The following STX6 variants were observed in gnomAD, a reference collection of about 807,000 sequenced individuals.
STX6 encodes the protein syntaxin-6.
In STX6, 23 loss-of-function variants were observed where a neutral mutation model predicts 38.0. That is an observed-to-expected ratio of 0.60 (90% CI 0.43 to 0.86). The LOEUF (loss-of-function observed/expected upper bound fraction) is 0.86, where lower values mean the gene tolerates loss of function less well. STX6 is among the 40% of genes least tolerant of loss of function. The pLI is 0.00. For synonymous variants in STX6, 123 were observed against 107.5 expected (o/e 1.14, Z -0.89); for missense variants, 274 against 312.9 (o/e 0.88, Z 0.94).
chr1:181,002,900 TG>T (rs1199977299), intron 2 of STX6, among the ~76,000 whole-genome samples, 200 bp from the exon 3 acceptor site: 2 of 152,224 alleles, frequency 1.3e-5, no homozygotes, highest in East Asian at 3.8e-4. Context: ...AAGACAGAGA[TG>T]ATCTGTCTGG....
chr1:180,991,940 TTATA>T (rs923237855), intron 4 of STX6, among the ~76,000 whole-genome samples: 6 of 69,112 alleles, frequency 8.7e-5, no homozygotes, highest in South Asian at 3.1e-4. Flanking sequence ...ATATTTAAAT[TTATA>T]TATATATATT....
intron 1 of STX6, among the ~76,000 whole-genome samples, chr1:181,019,939 G>C (rs970222857): frequency 7.2e-5 from 11 of 152,140 alleles, no homozygotes; most frequent in African/African-American, 2.4e-4. Flanking sequence ...GAGACAGGTG[G>C]ATCACAAGGT....
intron 3 of STX6, 35 bp from the exon 4 acceptor site, chr1:180,993,460 AT>A (rs1286232355): frequency 2.4e-6 from 3 of 1,247,434 alleles, no homozygotes; most frequent in Non-Finnish European, 3.5e-6. Flanking sequence ...CAAATGAAAA[AT>A]ATCCTTAAAC....
intron 1 of STX6, among the ~76,000 whole-genome samples, chr1:181,022,244 C>T (rs76701751): frequency 6.6e-6 from 1 of 152,202 alleles, no homozygotes; most frequent in Non-Finnish European, 1.5e-5. Flanking sequence ...AGGGCCATTT[C>T]CCTTTTCCTG....
At chr1:180,988,422 T>G in intron 5 of STX6, 77 bp from the exon 6 acceptor site, 3 of 1,149,208 alleles carry the variant, frequency 2.6e-6, no homozygotes, top group Non-Finnish European at 3.9e-6. Context: ...TAGCAGCTGC[T>G]AGTTTCTTTG....
chr1:180,998,860 T>C (rs1026780539), intron 3 of STX6, among the ~76,000 whole-genome samples: 4 of 152,236 alleles, frequency 2.6e-5, no homozygotes, highest in Non-Finnish European at 5.9e-5. Context: ...ACATGACGTT[T>C]AGAACCAGCA....
At chr1:181,008,159 G>C (rs1656282171) in intron 1 of STX6, among the ~76,000 whole-genome samples, 2 of 152,158 alleles carry the variant, frequency 1.3e-5, no homozygotes, top group Admixed American at 6.5e-5. Context: ...CTGTATTAAA[G>C]AACTTTTTAG....
At chr1:180,978,319 A>G (rs1250511485) in intron 7 of STX6, among the ~76,000 whole-genome samples, 6 of 152,214 alleles carry the variant, frequency 3.9e-5, no homozygotes, top group Admixed American at 3.3e-4. Flanking sequence ...GCATACAGAG[A>G]ATCACAGCTT....
intron 3 of STX6, among the ~76,000 whole-genome samples, chr1:180,995,401 C>A (rs886197414): frequency 5.3e-5 from 8 of 152,316 alleles, no homozygotes; most frequent in African/African-American, 1.9e-4. Flanking sequence ...TCAAGAGAAA[C>A]TGATCACTAT....
chr1:181,021,570 T>C (rs767841421), intron 1 of STX6, among the ~76,000 whole-genome samples: 11 of 152,196 alleles, frequency 7.2e-5, no homozygotes, highest in South Asian at 4.1e-4. Flanking sequence ...GCAAGGGACA[T>C]TCTGTGGTGA....
intron 3 of STX6, among the ~76,000 whole-genome samples, chr1:180,998,214 C>G (rs578220420): frequency 2.7e-4 from 41 of 152,232 alleles, no homozygotes; most frequent in Admixed American, 2.1e-3. Flanking sequence ...TCTAAAGTTG[C>G]AGTTTTTAAA....
chr1:181,011,969 T>G (rs990636701), intron 1 of STX6, among the ~76,000 whole-genome samples: 4 of 152,254 alleles, frequency 2.6e-5, no homozygotes, highest in African/African-American at 9.6e-5. Context: ...CAGATAGTGC[T>G]TCTTTATCCC....
At chr1:181,011,827 C>T (rs1017769816) in intron 1 of STX6, among the ~76,000 whole-genome samples, 1 of 152,198 alleles carries the variant, frequency 6.6e-6, no homozygotes, top group African/African-American at 2.4e-5. Context: ...CACAACTAGC[C>T]CGTGTGAGCA....
intron 7 of STX6, among the ~76,000 whole-genome samples, chr1:180,982,292 T>C (rs568553961): frequency 6.6e-6 from 1 of 152,282 alleles, no homozygotes; most frequent in East Asian, 1.9e-4. Context: ...ATTGCTTGTT[T>C]GTCAAATTGA....
At chr1:181,013,058 C>T (rs1382010436) in intron 1 of STX6, among the ~76,000 whole-genome samples, 1 of 151,886 alleles carries the variant, frequency 6.6e-6, no homozygotes, top group Non-Finnish European at 1.5e-5. Flanking sequence ...ATTGATCCCT[C>T]GTCAGATAGT....
chr1:180,990,391 T>C (rs1002428342), intron 4 of STX6, among the ~76,000 whole-genome samples: 3 of 152,172 alleles, frequency 2.0e-5, no homozygotes, highest in Admixed American at 6.5e-5. Context: ...CACCCATCTA[T>C]ATACTGTGTT....
In STX6 at chr1:180,976,498, T is replaced by A; in HGVS notation, c.*72A>T. On this transcript the variant is annotated 3_prime_UTR_variant, in exon 8 of 8. Transcript: ENST00000258301. Reference sequence around the variant, plus strand: ...ATAGGAATGTGAGTAGACGGCAATGTCACACGTGCTCAGCTTCTCCTCCTC... The same window carrying A: ...ATAGGAATGTGAGTAGACGGCAATGACACACGTGCTCAGCTTCTCCTCCTC... 7.6e-7 allele frequency: 1 copy of A among 1,317,642 alleles called. No individual in the cohort carries two copies. The highest frequency in any genetic ancestry group is 1.2e-5 in the South Asian group (1 of 84,932). The allele number at this position is 1,317,642 out of a possible 1,614,324, so 81.6% of individuals were successfully genotyped here.
intron 7 of STX6, among the ~76,000 whole-genome samples, chr1:180,984,089 A>AAAAAG (rs141306282): frequency 1.0e-5 from 1 of 96,896 alleles, no homozygotes; most frequent in Non-Finnish European, 2.5e-5. Context: ...AAAAAAAAAA[A>AAAAAG]ACACAACGAA....
At chr1:181,008,229 A>G (rs1371342753) in intron 1 of STX6, among the ~76,000 whole-genome samples, 1 of 152,190 alleles carries the variant, frequency 6.6e-6, no homozygotes, top group African/African-American at 2.4e-5. Context: ...GTAAAATGGG[A>G]AGGAGTATCT....
Sources: gnomAD v4.1 joint callset for allele counts (sites outside exome capture counted in the v4.1 genomes callset) on GRCh38, gnomAD v4.1.1 for gene constraint, MANE v1.5 for transcripts, NCBI Gene and HGNC (gene_info 2026-07-23, HGNC 2026-07-21) for gene names.